The following CSMD2 variants were observed in gnomAD, a reference collection of about 807,000 sequenced individuals.
CSMD2 encodes the protein CUB and sushi domain-containing protein 2.
Under a neutral mutation model 398.5 loss-of-function variants are expected in CSMD2, and 130 were observed. The observed-to-expected ratio is 0.33, with a 90% CI of 0.28 to 0.38. The LOEUF (loss-of-function observed/expected upper bound fraction) is 0.38. Among genes scored for constraint, CSMD2 ranks in the 10% least tolerant of loss-of-function variants. The pLI is 1.00. For synonymous variants in CSMD2, 1,828 were observed against 1,908.5 expected (o/e 0.96, Z 1.10); for missense variants, 3,829 against 4,764.9 (o/e 0.80, Z 5.78).
At chr1:33,896,027 A>T (rs1346222872) in intron 5 of CSMD2, among the ~76,000 whole-genome samples, 1 of 152,166 alleles carries the variant, frequency 6.6e-6, no homozygotes, top group African/African-American at 2.4e-5. Flanking sequence ...GGAGGCTTGC[A>T]GGTCCCTAAA....
chr1:33,755,876 C>G (rs1454079229), intron 13 of CSMD2, among the ~76,000 whole-genome samples: 7 of 151,908 alleles, frequency 4.6e-5, no homozygotes. Context: ...CTATGTTGCT[C>G]ACTCTGGTCT....
intron 25 of CSMD2, among the ~76,000 whole-genome samples, chr1:33,670,854 C>T (rs1426534233): frequency 6.6e-6 from 1 of 152,142 alleles, no homozygotes; most frequent in Non-Finnish European, 1.5e-5. Context: ...ACGGAGAAGC[C>T]CCCTAACTTA....
chr1:33,811,280 A>G (rs1656839961), intron 9 of CSMD2, among the ~76,000 whole-genome samples: 1 of 151,986 alleles, frequency 6.6e-6, no homozygotes, highest in South Asian at 2.1e-4. Flanking sequence ...CTGTTTCCCA[A>G]TTTGCACTCC....
At chr1:33,734,089 T>C (rs772098735) in intron 15 of CSMD2, among the ~76,000 whole-genome samples, 2 of 152,208 alleles carry the variant, frequency 1.3e-5, no homozygotes, top group African/African-American at 2.4e-5. Flanking sequence ...ACCCTTATAG[T>C]TCTTCCTTAA....
In CSMD2 at chr1:33,755,986, A is replaced by C. The variant is rs1648958399; in HGVS notation, c.1847-12380T>G. ...ACTTGAGCATCGGTGTTCTGAGACA[A>C]ATTAGAAGGGCATTCAACAGAGCTA... is the stretch of plus-strand genomic sequence containing the variant. On this transcript the variant is annotated intron_variant, in intron 13 of 70. Coordinates refer to ENST00000373381, the MANE Select transcript of CSMD2 (RefSeq NM_001281956.2). Among the ~76,000 whole-genome samples the C allele has an allele frequency of 2.6e-5, 4 of 152,088 alleles. No individual in the cohort carries two copies. The South Asian group carries it at 8.3e-4, about 32-fold the overall frequency.
rs72662055 is a variant in CSMD2, at chr1:33,659,151, G to A, written c.4256-1014C>T. On this transcript the variant is annotated intron_variant, in intron 26 of 70. Coordinates refer to ENST00000373381, the MANE Select transcript of CSMD2 (RefSeq NM_001281956.2). ...ATACTCAGGAATTTGCGACGTCTTC[G>A]TGTCTATTACCTAACCTAGTTTAAC... Among the ~76,000 whole-genome samples, 1,233 of 152,332 alleles carry A rather than the reference G, an allele frequency of 8.1e-3. 14 individuals carry two copies. Among genetic ancestry groups the A allele is most frequent in the Non-Finnish European group, 0.012 (843 of 68,018 alleles).
chr1:33,600,478 T>C (rs1640141748), intron 44 of CSMD2: 3 of 526,262 alleles, frequency 5.7e-6, no homozygotes, highest in Non-Finnish European at 6.7e-6. Flanking sequence ...ACAGTGCTCC[T>C]TGAGAGGTCA....
intron 25 of CSMD2, among the ~76,000 whole-genome samples, chr1:33,665,849 C>T (rs997725235): frequency 2.6e-5 from 4 of 152,130 alleles, no homozygotes; most frequent in East Asian, 1.9e-4. Flanking sequence ...TTACTCCCTC[C>T]GTAGCATCTA....
intron 25 of CSMD2, among the ~76,000 whole-genome samples, chr1:33,675,490 C>T (rs1161424682): frequency 6.6e-6 from 1 of 152,120 alleles, no homozygotes; most frequent in Non-Finnish European, 1.5e-5. Flanking sequence ...CAAAAAAGTC[C>T]AGGACCAGAT....
chr1:33,606,398 T>C (rs569475478), intron 41 of CSMD2, among the ~76,000 whole-genome samples: 260 of 152,338 alleles, frequency 1.7e-3, no homozygotes, highest in African/African-American at 6.1e-3. Context: ...GAAGATAACA[T>C]TTCCTGAGCA....
chr1:33,527,762 T>C (rs1253254858), intron 64 of CSMD2, among the ~76,000 whole-genome samples: 2 of 151,898 alleles, frequency 1.3e-5, no homozygotes, highest in Non-Finnish European at 2.9e-5. Flanking sequence ...CAGTAAGAAG[T>C]AAAGGAATAA....
rs780908588 is a variant in CSMD2, at chr1:33,724,589, G to A, written c.2811C>T (p.Tyr937=). ...ALVTFSCDSG[Y]TLSDGEPLEC... Reference sequence around the variant, plus strand: ...CCAGAGGCTCCCCGTCACTTAATGTGTAGCCCGAGTCACAGCTGAAGGTCA... The same window carrying A: ...CCAGAGGCTCCCCGTCACTTAATGTATAGCCCGAGTCACAGCTGAAGGTCA... Residue 937 remains tyrosine (Y), a synonymous_variant, in exon 18 of 71, where the codon TAC becomes TAT. Coordinates refer to ENST00000373381, the MANE Select transcript of CSMD2 (RefSeq NM_001281956.2). 5.6e-6 allele frequency: 9 copies of A among 1,614,224 alleles called. No homozygotes were observed. In the South Asian group the frequency reaches 8.8e-5, roughly 16 times the overall value.
rs1176902360 is a variant in CSMD2, at chr1:33,652,271, G to T, written c.4586+52C>A. 9 of 1,593,526 alleles carry T rather than the reference G, an allele frequency of 5.6e-6. No individual in the cohort carries two copies. In the East Asian group the frequency reaches 1.8e-4, roughly 32 times the overall value. On this transcript the variant is annotated intron_variant, in intron 28 of 70. Coordinates refer to ENST00000373381, the MANE Select transcript of CSMD2 (RefSeq NM_001281956.2). ...CTCACCTGGAGACCCAGGTCCCAGA[G>T]CCCCTAGCCACTCTGAACCCTTCGT...
At chr1:33,694,510 T>C (rs1034146600) in intron 24 of CSMD2, among the ~76,000 whole-genome samples, 1 of 152,108 alleles carries the variant, frequency 6.6e-6, no homozygotes, top group Non-Finnish European at 1.5e-5. Flanking sequence ...TCTCACGAGA[T>C]CTGATGGTTT....
intron 19 of CSMD2, among the ~76,000 whole-genome samples, chr1:33,717,230 A>C (rs1025057619): frequency 3.9e-5 from 6 of 152,074 alleles, no homozygotes; most frequent in African/African-American, 1.2e-4. Context: ...TCTGGAGGCA[A>C]TGAGAAGCCA....
At chr1:33,904,199 G>C (rs1357439800) in intron 5 of CSMD2, among the ~76,000 whole-genome samples, 1 of 152,192 alleles carries the variant, frequency 6.6e-6, no homozygotes, top group Non-Finnish European at 1.5e-5. Flanking sequence ...GATTACAGAG[G>C]GGTAGAAGCA....
intron 3 of CSMD2, among the ~76,000 whole-genome samples, chr1:34,013,414 GTA>G (rs780985861): frequency 6.6e-6 from 1 of 152,134 alleles, no homozygotes; most frequent in Non-Finnish European, 1.5e-5. Context: ...GGACCGCGGG[GTA>G]GAACCCACCA....
At chr1:33,711,942 C>T (rs550977512) in intron 21 of CSMD2, among the ~76,000 whole-genome samples, 7 of 152,242 alleles carry the variant, frequency 4.6e-5, no homozygotes, top group Admixed American at 1.3e-4. Context: ...GATAGAGGGA[C>T]GGGGCACTTG....
chr1:34,018,409 C>T (rs1206891736), intron 3 of CSMD2, among the ~76,000 whole-genome samples: 3 of 152,028 alleles, frequency 2.0e-5, no homozygotes, highest in Non-Finnish European at 2.9e-5. Context: ...GATATATTCC[C>T]AGGAGGGGAA....
Sources: gnomAD v4.1 joint callset for allele counts (sites outside exome capture counted in the v4.1 genomes callset) on GRCh38, gnomAD v4.1.1 for gene constraint, MANE v1.5 for transcripts, NCBI Gene and HGNC (gene_info 2026-07-23, HGNC 2026-07-21) for gene names.